The following VPS13A variants were observed in gnomAD, a reference collection of about 807,000 sequenced individuals.
VPS13A encodes the protein intermembrane lipid transfer protein VPS13A.
Under a neutral mutation model 390.9 loss-of-function variants are expected in VPS13A, and 264 were observed. That is an observed-to-expected ratio of 0.68 (90% CI 0.61 to 0.75). The LOEUF (loss-of-function observed/expected upper bound fraction) is 0.75, where lower values mean the gene tolerates loss of function less well. Among genes scored for constraint, VPS13A ranks in the 30% least tolerant of loss-of-function variants. The pLI is 0.00. For synonymous variants in VPS13A, 1,231 were observed against 1,227.1 expected (o/e 1.00, Z -0.07); for missense variants, 3,409 against 3,733.9 (o/e 0.91, Z 2.27).
intron 55 of VPS13A, among the ~76,000 whole-genome samples, chr9:77,357,180 A>G (rs1831840748): frequency 1.3e-5 from 2 of 151,536 alleles, no homozygotes; most frequent in African/African-American, 2.4e-5. Flanking sequence ...TTAGCCAGGC[A>G]TGGTGGCAGG....
At chr9:77,308,135 C>A in intron 35 of VPS13A, 37 bp downstream of exon 35, 27 of 1,607,588 alleles carry the variant, frequency 1.7e-5, no homozygotes, top group Non-Finnish European at 2.3e-5. Flanking sequence ...CTGCTTTCCT[C>A]TTTCTCTCTT....
chr9:77,294,148 T>A (rs900613720), intron 32 of VPS13A, among the ~76,000 whole-genome samples: 5 of 152,100 alleles, frequency 3.3e-5, no homozygotes, highest in African/African-American at 1.2e-4. Flanking sequence ...CTTGAACTCC[T>A]GGCCTCAAGT....
chr9:77,186,679 G>A (rs1034078079), intron 1 of VPS13A, among the ~76,000 whole-genome samples: 1 of 152,016 alleles, frequency 6.6e-6, no homozygotes, highest in Non-Finnish European at 1.5e-5. Flanking sequence ...CTAGTAATCT[G>A]CCCGCCTCGG....
At chr9:77,199,912 G>C in intron 1 of VPS13A, 33 bp from the exon 2 acceptor site, 1 of 1,561,392 alleles carries the variant, frequency 6.4e-7, no homozygotes, top group East Asian at 2.3e-5. Flanking sequence ...AAAAATATTT[G>C]ATTGTTTGAA....
intron 1 of VPS13A, among the ~76,000 whole-genome samples, chr9:77,178,527 C>T (rs1823799031): frequency 6.6e-6 from 1 of 152,160 alleles, no homozygotes; most frequent in Non-Finnish European, 1.5e-5. Flanking sequence ...ATATGTGGGT[C>T]AGAGTGAATT....
rs551308336 is a variant in VPS13A at position 77,362,148 on chromosome 9, C to T, written c.8211+1507C>T. On this transcript the variant is annotated intron_variant, in intron 59 of 71. Transcript: ENST00000360280. ...TTTCTTGATGTTGTCTATTGAAAAT[C>T]AAAAGTTAAAGTTAATGAAGTTCAA... is the stretch of plus-strand genomic sequence containing the variant. Among the ~76,000 whole-genome samples, 3 of 152,128 alleles carry T rather than the reference C, an allele frequency of 2.0e-5. No individual in the cohort carries two copies. The South Asian group carries it at 6.2e-4, about 32-fold the overall frequency.
In VPS13A at chr9:77,358,836, C is replaced by G. The variant is rs146024207; in HGVS notation, c.8035+398C>G. On this transcript the variant is annotated intron_variant, in intron 57 of 71. Transcript: ENST00000360280. Reference sequence around the variant, plus strand: ...ACAAGTCCTTTCTACCCTTTTCTTTCCCTTTGCCTTTCTTGTTTCCTGCAT... The same window carrying G: ...ACAAGTCCTTTCTACCCTTTTCTTTGCCTTTGCCTTTCTTGTTTCCTGCAT... 3.9e-4 allele frequency among the ~76,000 whole-genome samples: 59 copies of G among 152,182 alleles called. No individual in the cohort carries two copies. In the East Asian group the frequency reaches 8.9e-3, roughly 23 times the overall value.
At chr9:77,384,547 A>C in intron 68 of VPS13A, 1 of 1,610,678 alleles carries the variant, frequency 6.2e-7, no homozygotes, top group Non-Finnish European at 8.5e-7. Flanking sequence ...ATACTCTACT[A>C]ACCTTTGTGC....
chr9:77,238,518 A>G lies in VPS13A; in HGVS notation c.1900+132A>G, dbSNP rs533323787. The G allele has an allele frequency of 5.5e-5, 42 of 761,346 alleles. No homozygotes were observed. In the East Asian group the frequency reaches 1.1e-3, roughly 20 times the overall value. The allele number at this position is 761,346 out of a possible 1,614,324, so 47.2% of individuals were successfully genotyped here. ...CTAGACTGGTTTTAGTTTAACAGAA[A>G]CTAATTTAGTACTTTTATGTTTAAA... On this transcript the variant is annotated intron_variant, in intron 19 of 71. Transcript: ENST00000360280.
chr9:77,246,106 T>C (rs1007506401), intron 19 of VPS13A, among the ~76,000 whole-genome samples: 1 of 152,176 alleles, frequency 6.6e-6, no homozygotes. Flanking sequence ...GGGTCCCACC[T>C]CCAGCATTAA....
At chr9:77,391,277 C>T (rs998878215) in intron 68 of VPS13A, among the ~76,000 whole-genome samples, 6 of 152,120 alleles carry the variant, frequency 3.9e-5, no homozygotes, top group African/African-American at 1.2e-4. Flanking sequence ...TGTGTGTGTA[C>T]GTGCATGCTG....
intron 34 of VPS13A, among the ~76,000 whole-genome samples, chr9:77,303,839 A>G (rs1828537814): frequency 6.6e-6 from 1 of 152,172 alleles, no homozygotes; most frequent in South Asian, 2.1e-4. Flanking sequence ...CTCGCCTCCC[A>G]CCATAGGGCG....
intron 67 of VPS13A, among the ~76,000 whole-genome samples, chr9:77,381,675 A>AT (rs1833445752): frequency 6.6e-6 from 1 of 152,128 alleles, no homozygotes; most frequent in African/African-American, 2.4e-5. Flanking sequence ...GATGCTTGCA[A>AT]TCCCTTTTTG....
At chr9:77,322,974 A>T in intron 44 of VPS13A, 93 bp from the exon 45 acceptor site, 1 of 1,032,274 alleles carries the variant, frequency 9.7e-7, no homozygotes, top group Non-Finnish European at 1.4e-6. Context: ...TTATAAGTTT[A>T]AGAATCATCT....
chr9:77,389,488 C>T (rs1303187681), intron 68 of VPS13A, among the ~76,000 whole-genome samples: 2 of 151,750 alleles, frequency 1.3e-5, no homozygotes, highest in East Asian at 1.9e-4. Flanking sequence ...TAAATTTTTT[C>T]GTAGAGACAG....
intron 61 of VPS13A, among the ~76,000 whole-genome samples, chr9:77,367,156 G>A (rs1832479213): frequency 6.6e-6 from 1 of 152,178 alleles, no homozygotes; most frequent in South Asian, 2.1e-4. Context: ...AGGATAGGAT[G>A]TGTATGCCCA....
intron 68 of VPS13A, among the ~76,000 whole-genome samples, chr9:77,391,660 T>TC (rs1239915946): frequency 6.6e-6 from 1 of 152,226 alleles, no homozygotes; most frequent in Non-Finnish European, 1.5e-5. Flanking sequence ...CTGTGGTACT[T>TC]CAAGTCTAAG....
rs1248795895 is a variant in VPS13A at position 77,418,153 on chromosome 9, G to GTATT, written c.*2149_*2152dup. The GTATT allele has an allele frequency of 6.6e-6, 1 of 152,154 alleles. No individual in the cohort carries two copies. Among genetic ancestry groups the GTATT allele is most frequent in the East Asian group, 1.9e-4 (1 of 5,194 alleles). The allele number at this position is 152,154 out of a possible 1,614,324, so 9.4% of individuals were successfully genotyped here. On this transcript the variant is annotated 3_prime_UTR_variant, in exon 72 of 72. Transcript: ENST00000360280. ...TGAAGGTTAGAATAAGAATCTTCTTGTATTTGAAAACCATCTGCCCTAAAT... is the reference window on the plus strand; with the variant it reads ...TGAAGGTTAGAATAAGAATCTTCTTGTATTTATTTGAAAACCATCTGCCCTAAAT...
chr9:77,396,276 T>A (rs116373155), intron 68 of VPS13A, among the ~76,000 whole-genome samples: 1 of 152,340 alleles, frequency 6.6e-6, no homozygotes, highest in African/African-American at 2.4e-5. Context: ...TTTCTTACAC[T>A]TGATTTTATG....
Sources: gnomAD v4.1 joint callset for allele counts (sites outside exome capture counted in the v4.1 genomes callset) on GRCh38, gnomAD v4.1.1 for gene constraint, MANE v1.5 for transcripts, NCBI Gene and HGNC (gene_info 2026-07-23, HGNC 2026-07-21) for gene names.